RCSD1: variants seen among roughly 807,000 people sequenced by gnomAD.
RCSD1 encodes the protein RCSD domain containing 1.
A neutral mutation model predicts 42.5 loss-of-function variants in RCSD1; 26 were observed. That is an observed-to-expected ratio of 0.61 (90% CI 0.45 to 0.85). The LOEUF (loss-of-function observed/expected upper bound fraction) is 0.85, where lower values mean the gene tolerates loss of function less well. Among genes scored for constraint, RCSD1 ranks in the 40% least tolerant of loss-of-function variants. RCSD1 has a pLI of 0.00. For synonymous variants in RCSD1, 220 were observed against 212.2 expected (o/e 1.04, Z -0.32); for missense variants, 571 against 528.3 (o/e 1.08, Z -0.79).
intron 6 of RCSD1, among the ~76,000 whole-genome samples, chr1:167,700,336 C>A (rs1046660970): frequency 3.9e-5 from 6 of 152,054 alleles, no homozygotes; most frequent in Non-Finnish European, 8.8e-5. Flanking sequence ...GGCAGAGGTG[C>A]TCCAGATTTC....
intron 4 of RCSD1, among the ~76,000 whole-genome samples, chr1:167,693,851 C>G (rs935712768): frequency 1.9e-4 from 29 of 152,140 alleles, no homozygotes; most frequent in Admixed American, 1.3e-4. Flanking sequence ...TTGTTGGATC[C>G]TCGTCAGTGC....
chr1:167,697,918 G>C, intron 6 of RCSD1, 76 bp downstream of exon 6: 1 of 1,358,124 alleles, frequency 7.4e-7, no homozygotes, highest in Non-Finnish European at 9.5e-7. Flanking sequence ...GTCCTGTTCC[G>C]TACAGTCCCT....
chr1:167,632,724 G>C (rs1438289052), intron 1 of RCSD1, among the ~76,000 whole-genome samples: 1 of 99,420 alleles, frequency 1.0e-5, no homozygotes, highest in Non-Finnish European at 2.3e-5. Flanking sequence ...CCATCAATTT[G>C]CTGGTTGGAC....
intron 1 of RCSD1, among the ~76,000 whole-genome samples, chr1:167,652,173 C>A (rs1658328757): frequency 1.3e-5 from 2 of 152,224 alleles, no homozygotes; most frequent in Middle Eastern, 3.4e-3. Flanking sequence ...AGGCATGCAC[C>A]ACCATGCCCG....
chr1:167,651,443 G>A (rs900566327), intron 1 of RCSD1, among the ~76,000 whole-genome samples: 3 of 152,208 alleles, frequency 2.0e-5, no homozygotes, highest in African/African-American at 7.2e-5. Context: ...AGGCACCAGG[G>A]CACACTGCAT....
intron 3 of RCSD1, among the ~76,000 whole-genome samples, chr1:167,686,005 C>T (rs73033853): frequency 0.049 from 7,518 of 152,236 alleles, 628 homozygotes; most frequent in African/African-American, 0.17. Context: ...AAAACCAGAG[C>T]GCACAGGAGG....
chr1:167,677,250 T>G (rs577858379), intron 1 of RCSD1, among the ~76,000 whole-genome samples: 1 of 152,198 alleles, frequency 6.6e-6, no homozygotes, highest in African/African-American at 2.4e-5. Context: ...CATTCTACAG[T>G]GTCTACAGAT....
At chr1:167,685,931 G>A (rs138596456) in intron 3 of RCSD1, among the ~76,000 whole-genome samples, 2 of 152,302 alleles carry the variant, frequency 1.3e-5, no homozygotes, top group African/African-American at 2.4e-5. Context: ...ACGGAAGCAT[G>A]AGAAAACCCC....
intron 1 of RCSD1, among the ~76,000 whole-genome samples, chr1:167,648,191 A>G (rs1192183154): frequency 6.6e-6 from 1 of 152,236 alleles, no homozygotes; most frequent in Non-Finnish European, 1.5e-5. Flanking sequence ...ACACTCTGTT[A>G]TACAAATATA....
intron 1 of RCSD1, among the ~76,000 whole-genome samples, chr1:167,632,356 C>T (rs1657724883): frequency 6.6e-6 from 1 of 152,184 alleles, no homozygotes; most frequent in South Asian, 2.1e-4. Context: ...AGACTTCAAG[C>T]AGGTTGCTGC....
chr1:167,675,193 G>A (rs1658912814), intron 1 of RCSD1, among the ~76,000 whole-genome samples: 1 of 122,092 alleles, frequency 8.2e-6, no homozygotes, highest in Admixed American at 9.4e-5. Flanking sequence ...GTGACAGAAT[G>A]AGACTCCATC....
At chr1:167,688,877 A>G (rs985095012) in intron 3 of RCSD1, among the ~76,000 whole-genome samples, 1 of 152,214 alleles carries the variant, frequency 6.6e-6, no homozygotes, top group Non-Finnish European at 1.5e-5. Context: ...CCTCTGTCCA[A>G]CCACATGGAA....
At chr1:167,652,039 T>TTTTTA (rs56692621) in intron 1 of RCSD1, among the ~76,000 whole-genome samples, 2 of 127,320 alleles carry the variant, frequency 1.6e-5, no homozygotes, top group Non-Finnish European at 3.4e-5. Context: ...TTTTTTTTTT[T>TTTTTA]GAGATAGAGT....
chr1:167,651,702 G>A lies in RCSD1; in HGVS notation c.6+21273G>A, dbSNP rs541449620. 4.6e-5 allele frequency among the ~76,000 whole-genome samples: 7 copies of A among 152,204 alleles called. No homozygotes were observed. The South Asian group carries it at 1.5e-3, about 32-fold the overall frequency. On this transcript the variant is annotated intron_variant, in intron 1 of 6. Transcript: ENST00000367854. ...TCCTGCAAGTAATTTTGTTCCTGTT[G>A]AGCTCTTACCCTCCCAGGATTATTC... is the stretch of plus-strand genomic sequence containing the variant.
intron 1 of RCSD1, among the ~76,000 whole-genome samples, chr1:167,673,396 C>T (rs917100046): frequency 2.0e-5 from 3 of 152,146 alleles, no homozygotes; most frequent in African/African-American, 7.2e-5. Flanking sequence ...AAATGAAGTC[C>T]ACATGTTGCA....
chr1:167,683,431 T>C (rs1659132809), intron 1 of RCSD1, among the ~76,000 whole-genome samples: 4 of 152,200 alleles, frequency 2.6e-5, no homozygotes, highest in Non-Finnish European at 1.5e-5. Context: ...TACTTATTAA[T>C]TCCACAAATA....
At chr1:167,672,971 G>C (rs1658848023) in intron 1 of RCSD1, among the ~76,000 whole-genome samples, 1 of 152,148 alleles carries the variant, frequency 6.6e-6, no homozygotes, top group South Asian at 2.1e-4. Flanking sequence ...GTGATAGTTG[G>C]GATAGGTAAG....
At chr1:167,650,934 T>C (rs1280583985) in intron 1 of RCSD1, among the ~76,000 whole-genome samples, 2 of 152,118 alleles carry the variant, frequency 1.3e-5, no homozygotes, top group Non-Finnish European at 2.9e-5. Context: ...CAGCAAAACT[T>C]TATTTCCTTG....
At chr1:167,648,830 T>C (rs1275979546) in intron 1 of RCSD1, among the ~76,000 whole-genome samples, 6 of 152,138 alleles carry the variant, frequency 3.9e-5, no homozygotes, top group Admixed American at 3.9e-4. Flanking sequence ...GGAAATCCCT[T>C]GAAGTCCTGA....
Sources: allele counts gnomAD v4.1 joint callset (sites outside exome capture counted in the v4.1 genomes callset), GRCh38; gene constraint gnomAD v4.1.1; transcripts MANE v1.5; gene names NCBI Gene and HGNC (gene_info 2026-07-23, HGNC 2026-07-21).